The following VSTM2B variants were observed in gnomAD, a reference collection of about 807,000 sequenced individuals.
VSTM2B encodes the protein V-set and transmembrane domain containing 2B, also known as V-set and transmembrane domain-containing protein 2B.
In VSTM2B, 24 loss-of-function variants were observed where a neutral mutation model predicts 24.0. The observed-to-expected ratio is 1.00, with a 90% confidence interval of 0.72 to 1.40. The LOEUF is 1.40. Ranked by LOEUF, VSTM2B falls within the 40% of genes most tolerant of loss-of-function variation. VSTM2B has a pLI of 0.00. For missense variants in VSTM2B, 399 were observed against 416.4 expected (o/e 0.96, Z 0.36); for synonymous variants, 226 against 194.4 (o/e 1.16, Z -1.35).
chr19:29,542,547 G>A (rs1970047374), intron 4 of VSTM2B, among the ~76,000 whole-genome samples: 1 of 151,964 alleles, frequency 6.6e-6, no homozygotes, highest in Non-Finnish European at 1.5e-5. Context: ...GTGGAGGGAT[G>A]ATGAGTGGAT....
chr19:29,564,066 A>C lies in VSTM2B; in HGVS notation c.*132A>C. ...AAAAGTCCACATGGAAAATAAATAAATCATATTTTTGGGAAAGTTACACAA... is the reference window on the plus strand; with the variant it reads ...AAAAGTCCACATGGAAAATAAATAACTCATATTTTTGGGAAAGTTACACAA... On this transcript the variant is annotated 3_prime_UTR_variant, in exon 5 of 5. Coordinates refer to ENST00000335523, the MANE Select transcript of VSTM2B (RefSeq NM_001146339.2). 15 of 686,290 alleles carry C rather than the reference A, an allele frequency of 2.2e-5. No homozygotes were observed. Among genetic ancestry groups the C allele is most frequent in the Middle Eastern group, 2.5e-4 (1 of 4,004 alleles). 42.5% of individuals were successfully genotyped at this position (686,290 alleles called of 1,614,324 possible).
chr19:29,552,801 G>A (rs1970316699), intron 4 of VSTM2B, among the ~76,000 whole-genome samples: 1 of 152,204 alleles, frequency 6.6e-6, no homozygotes, highest in Non-Finnish European at 1.5e-5. Context: ...AGGTGGTTTG[G>A]ACCCAGGAGG....
chr19:29,525,667 T>G (rs1969539169), upstream of VSTM2B: 1 of 152,130 alleles, frequency 6.6e-6, no homozygotes, highest in South Asian at 2.1e-4. Flanking sequence ...GGTAAGGAGT[T>G]GAGGGCTGGG....
chr19:29,540,068 T>C (rs1301039455), intron 4 of VSTM2B, among the ~76,000 whole-genome samples: 1 of 152,196 alleles, frequency 6.6e-6, no homozygotes, highest in Non-Finnish European at 1.5e-5. Context: ...CCCCTTAGAG[T>C]GACTTTTATT....
chr19:29,527,568 C>G (rs1288445080), intron 2 of VSTM2B, among the ~76,000 whole-genome samples, 173 bp downstream of exon 2: 1 of 152,228 alleles, frequency 6.6e-6, no homozygotes, highest in Non-Finnish European at 1.5e-5. Flanking sequence ...GTGGTTACCC[C>G]CAAACCTGTC....
At chr19:29,537,066 T>C (rs184304161) in intron 4 of VSTM2B, among the ~76,000 whole-genome samples, 3 of 152,118 alleles carry the variant, frequency 2.0e-5, no homozygotes, top group Non-Finnish European at 4.4e-5. Context: ...AGGCATCTCT[T>C]GTAAACTTGT....
intron 3 of VSTM2B, chr19:29,529,030 A>G (rs978626929): frequency 3.0e-6 from 3 of 985,308 alleles, no homozygotes; most frequent in Non-Finnish European, 3.6e-6. Context: ...AGATGCGCCC[A>G]AGCTTCCCAC....
intron 4 of VSTM2B, among the ~76,000 whole-genome samples, chr19:29,551,078 C>A (rs1970272993): frequency 6.6e-6 from 1 of 152,222 alleles, no homozygotes; most frequent in Non-Finnish European, 1.5e-5. Flanking sequence ...CAGTGGCTGC[C>A]CTGGCGAGCT....
At chr19:29,553,156 A>G (rs1227852244) in intron 4 of VSTM2B, among the ~76,000 whole-genome samples, 1 of 150,362 alleles carries the variant, frequency 6.7e-6, no homozygotes, top group African/African-American at 2.5e-5. Context: ...GCTGACCAAG[A>G]CCCCCCACAA....
At chr19:29,537,638 G>T (rs565322417) in intron 4 of VSTM2B, among the ~76,000 whole-genome samples, 1 of 151,660 alleles carries the variant, frequency 6.6e-6, no homozygotes. Context: ...GGGTCCTGGC[G>T]TTGGCATGAA....
intron 4 of VSTM2B, among the ~76,000 whole-genome samples, chr19:29,535,825 G>A (rs1969876390): frequency 6.6e-6 from 1 of 152,134 alleles, no homozygotes; most frequent in African/African-American, 2.4e-5. Flanking sequence ...GCAAGCCATT[G>A]AGGCAGCCAC....
At chr19:29,555,785 T>C (rs1356444846) in intron 4 of VSTM2B, among the ~76,000 whole-genome samples, 1 of 152,072 alleles carries the variant, frequency 6.6e-6, no homozygotes, top group African/African-American at 2.4e-5. Flanking sequence ...AACTCCTCTA[T>C]GCAAATAAAC....
At chr19:29,542,862 G>C (rs971649984) in intron 4 of VSTM2B, among the ~76,000 whole-genome samples, 2 of 152,152 alleles carry the variant, frequency 1.3e-5, no homozygotes, top group Non-Finnish European at 2.9e-5. Context: ...CTTCCAGGAA[G>C]GAGGCCATAG....
Position 29,528,447 on chromosome 19 carries a change from T to C in VSTM2B, c.282T>C (p.Asp94=). The C allele has an allele frequency of 1.3e-6, 2 of 1,551,180 alleles. No individual in the cohort carries two copies. The highest frequency in any genetic ancestry group is 1.7e-6 in the Non-Finnish European group (2 of 1,146,972). ...PGARSKVTNK[D]ATKISTVRVQ... ...TTGCATTTTAGGTAACAAATAAGGA[T>C]GCAACTAAAATCAGCGTAAGTGTGG... Residue 94 remains aspartate, a synonymous_variant, in exon 3 of 5, where the codon GAT becomes GAC. Transcript: ENST00000335523.
At chr19:29,528,283 C>T (rs980560634) in intron 2 of VSTM2B, 150 bp from the exon 3 acceptor site, 28 of 934,738 alleles carry the variant, frequency 3.0e-5, no homozygotes, top group Admixed American at 4.8e-5. Context: ...CTTGGAAAGC[C>T]GGACGTCCTT....
intron 4 of VSTM2B, among the ~76,000 whole-genome samples, chr19:29,532,526 C>T (rs1054624354): frequency 6.6e-6 from 1 of 152,188 alleles, no homozygotes; most frequent in Non-Finnish European, 1.5e-5. Context: ...GTGTGCATTA[C>T]AGGCTGGGAC....
At chr19:29,552,118 C>T (rs1970297271) in intron 4 of VSTM2B, among the ~76,000 whole-genome samples, 1 of 152,186 alleles carries the variant, frequency 6.6e-6, no homozygotes, top group South Asian at 2.1e-4. Flanking sequence ...GAGGCAATGC[C>T]TGGGGAGCAG....
intron 4 of VSTM2B, among the ~76,000 whole-genome samples, chr19:29,557,293 G>T (rs949490999): frequency 6.6e-6 from 1 of 152,178 alleles, no homozygotes; most frequent in Non-Finnish European, 1.5e-5. Context: ...AATGGGGAAA[G>T]GATTCCCTAT....
intron 4 of VSTM2B, among the ~76,000 whole-genome samples, chr19:29,548,387 C>A (rs1439646997): frequency 1.3e-5 from 2 of 152,156 alleles, no homozygotes; most frequent in Non-Finnish European, 2.9e-5. Flanking sequence ...TAAAATATCT[C>A]GATTTCCTTT....
Sources: gnomAD v4.1 joint callset for allele counts (sites outside exome capture counted in the v4.1 genomes callset) on GRCh38, gnomAD v4.1.1 for gene constraint, MANE v1.5 for transcripts, NCBI Gene and HGNC (gene_info 2026-07-23, HGNC 2026-07-21) for gene names.